Variants in B3GAT2 observed in about 807,000 individuals in gnomAD.
B3GAT2 encodes galactosylgalactosylxylosylprotein 3-beta-glucuronosyltransferase 2.
A neutral mutation model predicts 27.8 loss-of-function variants in B3GAT2; 26 were observed. The ratio of observed to expected loss-of-function variants is 0.93; its 90% CI spans 0.68 to 1.30. B3GAT2 has a LOEUF of 1.30. B3GAT2 is among the 50% of genes most tolerant of loss of function. The pLI is 0.00. For synonymous variants in B3GAT2, 218 were observed against 195.1 expected, an observed-to-expected ratio of 1.12 and a Z score of -0.98; for missense variants, 458 against 459.0, an observed-to-expected ratio of 1.00 and a Z score of 0.02.
At chr6:70,946,249 A>G (rs950026667) in intron 1 of B3GAT2, among the ~76,000 whole-genome samples, 23 of 152,218 alleles carry the variant, frequency 1.5e-4, no homozygotes, top group African/African-American at 5.3e-4. Context: ...AAATGGACTA[A>G]ATGCTCCAAT....
In B3GAT2 at chr6:70,955,868, TGTC is replaced by T. The variant is rs766181134; in HGVS notation, c.559_561del (p.Asp187del). 2.5e-5 allele frequency: 40 copies of T among 1,603,928 alleles called. No homozygotes were observed. The highest frequency in any genetic ancestry group is 1.8e-4 in the South Asian group (16 of 89,918). Reference sequence around the variant, plus strand: ...TGGAAGAGCTCCAGACTATAGGTGTTGTCGTCGTCAGCGAAGAAGAGCACGCCG... The same window carrying T: ...TGGAAGAGCTCCAGACTATAGGTGTTGTCGTCAGCGAAGAAGAGCACGCCG... On this transcript the variant is annotated inframe_deletion, in exon 1 of 4. Transcript: ENST00000230053.
intron 2 of B3GAT2, among the ~76,000 whole-genome samples, chr6:70,862,686 C>T (rs1771779811): frequency 6.6e-6 from 1 of 152,124 alleles, no homozygotes; most frequent in African/African-American, 2.4e-5. Flanking sequence ...AAAATCATTA[C>T]TGGCTGGGCA....
rs368327900 is a variant in B3GAT2, at chr6:70,861,294, AAACCTGTTCAAGTCTACC to A, written c.*351_*368del. The A allele has an allele frequency of 4.3e-4, 81 of 190,584 alleles. No individual in the cohort carries two copies. The East Asian group carries it at 6.8e-3, about 16-fold the overall frequency. 11.8% of individuals were successfully genotyped at this position (190,584 alleles called of 1,614,324 possible). A position where few individuals can be genotyped will look rare whatever the true frequency, so the allele number is the denominator to read the frequency against. ...CTGACAAAATACTTGTCTGTTTTAA[AAACCTGTTCAAGTCTACC>A]AACCTGTTCAAGTCTACCAATTATA... On this transcript the variant is annotated 3_prime_UTR_variant, in exon 4 of 4. Coordinates refer to ENST00000230053, the MANE Select transcript of B3GAT2 (RefSeq NM_080742.3).
chr6:70,920,411 G>A (rs568490701), intron 1 of B3GAT2, among the ~76,000 whole-genome samples: 1 of 152,202 alleles, frequency 6.6e-6, no homozygotes. Flanking sequence ...GCTTCGGCTT[G>A]CCCTCCATGG....
chr6:70,908,867 G>A (rs1005443372), intron 1 of B3GAT2, among the ~76,000 whole-genome samples: 11 of 152,136 alleles, frequency 7.2e-5, no homozygotes, highest in African/African-American at 2.4e-4. Flanking sequence ...CAGAATATGT[G>A]ACAGCTGGAT....
intron 1 of B3GAT2, among the ~76,000 whole-genome samples, chr6:70,945,562 A>G (rs1284304453): frequency 6.6e-6 from 1 of 151,588 alleles, no homozygotes; most frequent in Non-Finnish European, 1.5e-5. Context: ...TCCAAGAAAT[A>G]TGGGACTATG....
chr6:70,899,218 T>C (rs560646951), intron 1 of B3GAT2, among the ~76,000 whole-genome samples: 1 of 152,300 alleles, frequency 6.6e-6, no homozygotes, highest in South Asian at 2.1e-4. Context: ...ACTAGAACAA[T>C]TAAATATGGC....
rs550107700 is a variant in B3GAT2, at chr6:70,866,530, A to C, written c.737-4552T>G. Among the ~76,000 whole-genome samples the C allele has an allele frequency of 8.5e-5, 13 of 152,342 alleles. No individual in the cohort carries two copies. In the East Asian group the frequency reaches 2.5e-3, roughly 29 times the overall value. On this transcript the variant is annotated intron_variant, in intron 2 of 3. Coordinates refer to ENST00000230053, the MANE Select transcript of B3GAT2 (RefSeq NM_080742.3). ...GATGCCCAAGACACCTCAGTGATGA[A>C]AAATACAATGTCTGAGATGAAAAAT...
In B3GAT2 at chr6:70,861,724, T is replaced by G; in HGVS notation, c.911A>C (p.Glu304Ala). 6.2e-7 allele frequency: 1 copy of G among 1,614,138 alleles called. No individual in the cohort carries two copies. The highest frequency in any genetic ancestry group is 8.5e-7 in the Non-Finnish European group (1 of 1,179,996). Residue 304 changes from glutamate to alanine, a missense_variant, in exon 4 of 4, where the codon GAG (glutamate) becomes GCG (alanine). Physicochemically the swap from Glu to Ala is moderately radical, Grantham distance 107 (BLOSUM62 -1). Transcript: ENST00000230053. ...TGGCTCGTTGGCTAGATTAACCTTC[T>G]CTGTCCGAGTGTGCCACACGAGAAC... ...TKVLVWHTRTEKVNLANEPKY... is the reference protein window; with the variant it reads ...TKVLVWHTRTAKVNLANEPKY...
chr6:70,870,588 T>C (rs1281920661), intron 2 of B3GAT2, among the ~76,000 whole-genome samples: 1 of 151,704 alleles, frequency 6.6e-6, no homozygotes, highest in Non-Finnish European at 1.5e-5. Context: ...TCAACAGAGA[T>C]GTCCAAACAG....
intron 2 of B3GAT2, among the ~76,000 whole-genome samples, chr6:70,886,848 T>C (rs886958284): frequency 3.9e-5 from 6 of 152,214 alleles, no homozygotes; most frequent in African/African-American, 1.4e-4. Flanking sequence ...GGCTGCCTAT[T>C]GCCCCAACAC....
At chr6:70,880,009 T>C (rs988609045) in intron 2 of B3GAT2, among the ~76,000 whole-genome samples, 17 of 147,018 alleles carry the variant, frequency 1.2e-4, no homozygotes, top group Non-Finnish European at 1.9e-4. Flanking sequence ...GAGCATATTA[T>C]TGGGGATAAG....
Position 70,956,084 on chromosome 6 carries a change from C to A in B3GAT2, c.346G>T (p.Val116Leu). The change falls in exon 1 of 4, where the codon GTG becomes TTG. Residue 116 changes from valine (V) to leucine (L), a missense_variant. Transcript: ENST00000230053. The stretch of plus-strand genomic sequence containing the variant: ...TCGCTGCGCGCCGCCGCGTCCTCCA[C>A]CAGGATCCAGTGCAGCTGCGCCACC... ...RQVAQLHWIL[V>L]EDAAARSELV... The A allele has an allele frequency of 6.3e-7, 1 of 1,594,768 alleles. No individual in the cohort carries two copies. Among genetic ancestry groups the A allele is most frequent in the Non-Finnish European group, 8.5e-7 (1 of 1,173,534 alleles).
At chr6:70,888,753 C>T (rs576303991) in intron 2 of B3GAT2, among the ~76,000 whole-genome samples, 1 of 152,236 alleles carries the variant, frequency 6.6e-6, no homozygotes, top group East Asian at 1.9e-4. Context: ...CCAGCTTGCC[C>T]TTCCCAAGAG....
At chr6:70,894,827 T>C (rs1428113382) in intron 1 of B3GAT2, among the ~76,000 whole-genome samples, 1 of 152,162 alleles carries the variant, frequency 6.6e-6, no homozygotes, top group Non-Finnish European at 1.5e-5. Flanking sequence ...CCCTAAACAT[T>C]TGCCTGCCTT....
At chr6:70,918,679 T>A (rs575597898) in intron 1 of B3GAT2, among the ~76,000 whole-genome samples, 2 of 152,298 alleles carry the variant, frequency 1.3e-5, no homozygotes, top group East Asian at 3.9e-4. Flanking sequence ...GATATGAAAT[T>A]CTGGGTTAAA....
At position 70,860,185 on chromosome 6, in the gene B3GAT2, T is replaced by TTA. The variant is rs1357113558; in HGVS notation, c.*1476_*1477dup. The TTA allele has an allele frequency of 4.4e-6, 7 of 1,598,464 alleles. No individual in the cohort carries two copies. Among genetic ancestry groups the TTA allele is most frequent in the Non-Finnish European group, 5.1e-6 (6 of 1,173,894 alleles). ...AAGTAAGCCTCTTGAACTAAGCCTT[T>TTA]TATATGTTTCACAGATGAATCAGCA... On this transcript the variant is annotated 3_prime_UTR_variant, in exon 4 of 4. Coordinates refer to ENST00000230053, the MANE Select transcript of B3GAT2 (RefSeq NM_080742.3).
chr6:70,922,023 C>G (rs1428895762), intron 1 of B3GAT2, among the ~76,000 whole-genome samples: 1 of 152,102 alleles, frequency 6.6e-6, no homozygotes, highest in Non-Finnish European at 1.5e-5. Context: ...GGGGTGCTGG[C>G]CACACACTTC....
chr6:70,874,768 C>T (rs1316143672), intron 2 of B3GAT2, among the ~76,000 whole-genome samples: 1 of 152,198 alleles, frequency 6.6e-6, no homozygotes, highest in African/African-American at 2.4e-5. Flanking sequence ...GCCTTGTGAA[C>T]AGGGTTTTCT....
Sources: gnomAD v4.1 joint callset for allele counts (sites outside exome capture counted in the v4.1 genomes callset) on GRCh38, gnomAD v4.1.1 for gene constraint, MANE v1.5 for transcripts, NCBI Gene and HGNC (gene_info 2026-07-23, HGNC 2026-07-21) for gene names.